Variants in MTG1 observed in about 807,000 individuals in gnomAD.
The protein encoded by MTG1 is mitochondrial ribosome associated GTPase 1, also known as mitochondrial ribosome-associated GTPase 1.
MTG1 carries 30 observed loss-of-function variants against 39.5 expected under a neutral mutation model. That is an observed-to-expected ratio of 0.76 (90% CI 0.57 to 1.03). The LOEUF (loss-of-function observed/expected upper bound fraction) is 1.03. Ranked by LOEUF, MTG1 falls within the 50% of genes least tolerant of loss-of-function variation. The probability of loss-of-function intolerance (pLI) is 0.00; values close to 1 mark genes in which losing one functional copy is unlikely to be tolerated. For synonymous variants in MTG1, 217 were observed against 179.0 expected, an observed-to-expected ratio of 1.21 and a Z score of -1.69; for missense variants, 513 against 447.4, an observed-to-expected ratio of 1.15 and a Z score of -1.32.
chr10:133,421,193 T>A lies in MTG1; in HGVS notation c.*1028T>A, dbSNP rs1266757928. ...CTCTGCTGCCCCATACCCCACACAC[T>A]CATCAGCCTGAAGTTAGCCCCTGAG... is the stretch of plus-strand genomic sequence containing the variant. On this transcript the variant is annotated 3_prime_UTR_variant, in exon 11 of 11. Coordinates refer to ENST00000317502, the MANE Select transcript of MTG1 (RefSeq NM_138384.4). The A allele has an allele frequency of 1.3e-5, 2 of 152,318 alleles. No individual in the cohort carries two copies. Among genetic ancestry groups the A allele is most frequent in the African/African-American group, 4.8e-5 (2 of 41,354 alleles). 9.4% of individuals were successfully genotyped at this position (152,318 alleles called of 1,614,324 possible).
At chr10:133,417,690 C>T (rs1217207479) in intron 9 of MTG1, among the ~76,000 whole-genome samples, 1 of 152,078 alleles carries the variant, frequency 6.6e-6, no homozygotes, top group Non-Finnish European at 1.5e-5. Context: ...TCTCAGGATA[C>T]AAAATCAATG....
intron 9 of MTG1, among the ~76,000 whole-genome samples, chr10:133,415,417 G>A (rs562207757): frequency 6.7e-6 from 1 of 150,092 alleles, no homozygotes; most frequent in Admixed American, 6.6e-5. Context: ...TGTTTTGAAA[G>A]ATATTTTCTC....
chr10:133,394,503 G>C, intron 1 of MTG1, 171 bp downstream of exon 1: 1 of 1,338,618 alleles, frequency 7.5e-7, no homozygotes, highest in Non-Finnish European at 9.5e-7. Context: ...GGAGCCGCCG[G>C]GACCCCTTCC....
At chr10:133,415,604 G>A (rs923014596) in intron 9 of MTG1, among the ~76,000 whole-genome samples, 4 of 152,188 alleles carry the variant, frequency 2.6e-5, no homozygotes, top group Admixed American at 6.5e-5. Flanking sequence ...GTCTGTGGTC[G>A]TGTGTGTTTG....
chr10:133,419,447 G>T (rs1564824273), intron 9 of MTG1, 33 bp from the exon 10 acceptor site: 4 of 1,549,344 alleles, frequency 2.6e-6, no homozygotes, highest in Non-Finnish European at 3.5e-6. Context: ...TCAGTGCTGG[G>T]CCCCCTGGTG....
At position 133,395,773 on chromosome 10, in the gene MTG1, C is replaced by G. The variant is rs1253195913; in HGVS notation, c.173C>G (p.Ala58Gly). 1.2e-6 allele frequency: 2 copies of G among 1,613,800 alleles called. No homozygotes were observed. The highest frequency in any genetic ancestry group is 2.7e-5 in the African/African-American group (2 of 74,912). ...GACTGTATCATCGAGGTCCACGATGCCCGGATATCCTTTCACAGAGCAGGG... is the reference window on the plus strand; with the variant it reads ...GACTGTATCATCGAGGTCCACGATGGCCGGATATCCTTTCACAGAGCAGGG... ...LVDCIIEVHD[A>G]RIPLSGRNPL... The change falls in exon 2 of 11, where the codon GCC becomes GGC. Residue 58 changes from alanine to glycine, a missense_variant. Physicochemically the swap from Ala to Gly is moderately conservative, Grantham distance 60. Transcript: ENST00000317502.
Position 133,402,344 on chromosome 10 carries a change from TTA to T in MTG1, c.670+100_670+101del. The T allele has an allele frequency of 2.1e-6, 3 of 1,408,060 alleles. No homozygotes were observed. The South Asian group carries it at 3.5e-5, about 16-fold the overall frequency. The allele number at this position is 1,408,060 out of a possible 1,614,324, so 87.2% of individuals were successfully genotyped here. A position where few individuals can be genotyped will look rare whatever the true frequency, so the allele number is the denominator to read the frequency against. ...GCACAGGGCCCCTAGACGGGAGTTG[TTA>T]CTGCCTTTGACCTGGTTGCTGCCAG... On this transcript the variant is annotated intron_variant, in intron 8 of 10. Coordinates refer to ENST00000317502, the MANE Select transcript of MTG1 (RefSeq NM_138384.4). The surrounding 1 kb of genome is among the most constrained non-coding windows in gnomAD (Gnocchi z 4.7).
chr10:133,399,791 C>G, intron 6 of MTG1, 172 bp downstream of exon 6: 1 of 578,944 alleles, frequency 1.7e-6, no homozygotes, highest in East Asian at 2.9e-5. Context: ...CACAGGAGGG[C>G]TGAACAGTGG....
intron 6 of MTG1, 158 bp downstream of exon 6, chr10:133,399,777 A>C: frequency 1.6e-6 from 1 of 631,470 alleles, no homozygotes; most frequent in Non-Finnish European, 2.8e-6. Context: ...CGTTCAGTCC[A>C]GTTCACAGGA....
At chr10:133,399,294 G>T (rs1173045725) in intron 5 of MTG1, 68 bp downstream of exon 5, 2 of 1,565,258 alleles carry the variant, frequency 1.3e-6, no homozygotes, top group Admixed American at 1.7e-5. Context: ...CTCCTGCCTG[G>T]CCTCTCCAAG....
Position 133,394,226 on chromosome 10 carries a change from A to C in MTG1, c.6A>C (p.Arg2Ser), listed in dbSNP as rs777231381. Residue 2 changes from arginine (R) to serine (S), a missense_variant, in exon 1 of 11, where the codon AGA (arginine) becomes AGC (serine). Coordinates refer to ENST00000317502, the MANE Select transcript of MTG1 (RefSeq NM_138384.4). Reference sequence around the variant, plus strand: ...TTTCCGGGGACGGTGCCGCCATGAGATTGACCCCGCGCGCGCTGTGCAGCG... The same window carrying C: ...TTTCCGGGGACGGTGCCGCCATGAGCTTGACCCCGCGCGCGCTGTGCAGCG... The part of the protein sequence containing the change: M[R>S]LTPRALCSAA... 14 of 1,516,076 alleles carry C rather than the reference A, an allele frequency of 9.2e-6. No individual in the cohort carries two copies. In the South Asian group the frequency reaches 1.3e-4, roughly 15 times the overall value. 93.9% of individuals were successfully genotyped at this position (1,516,076 alleles called of 1,614,324 possible).
At chr10:133,419,681 G>A in intron 10 of MTG1, 89 bp downstream of exon 10, 4 of 1,113,576 alleles carry the variant, frequency 3.6e-6, no homozygotes, top group Non-Finnish European at 5.3e-6. Flanking sequence ...GGGAGGAGAG[G>A]AACGTGTCAA....
intron 1 of MTG1, 59 bp downstream of exon 1, chr10:133,394,391 T>A: frequency 7.2e-7 from 1 of 1,381,142 alleles, no homozygotes; most frequent in Non-Finnish European, 9.4e-7. Context: ...TCTGCTTCCC[T>A]CCCACCCCGG....
rs1341353168 is a variant in MTG1, at chr10:133,394,181, G to C, written c.-40G>C. On this transcript the variant is annotated 5_prime_UTR_variant, in exon 1 of 11. Coordinates refer to ENST00000317502, the MANE Select transcript of MTG1 (RefSeq NM_138384.4). The stretch of plus-strand genomic sequence containing the variant: ...CAGAGGCGGGTCGCAGCGGCGCAGA[G>C]GAGGTCAGCTGCGGGAGCGTTTCCG... 2.1e-6 allele frequency: 3 copies of C among 1,439,154 alleles called. No homozygotes were observed. The highest frequency in any genetic ancestry group is 2.8e-6 in the Non-Finnish European group (3 of 1,072,310). The allele number at this position is 1,439,154 out of a possible 1,614,324, so 89.1% of individuals were successfully genotyped here. A position where few individuals can be genotyped will look rare whatever the true frequency, so the allele number is the denominator to read the frequency against.
chr10:133,417,910 T>G (rs532672092), intron 9 of MTG1, among the ~76,000 whole-genome samples: 84 of 152,326 alleles, frequency 5.5e-4, no homozygotes, highest in South Asian at 5.0e-3. Context: ...CCATGCTCAT[T>G]GGTAGGAAGA....
chr10:133,395,331 G>C (rs533772247), intron 1 of MTG1, among the ~76,000 whole-genome samples: 2 of 152,304 alleles, frequency 1.3e-5, no homozygotes, highest in African/African-American at 4.8e-5. Flanking sequence ...GCAGGCGGAG[G>C]TTGCAGTGAG....
intron 4 of MTG1, 47 bp from the exon 5 acceptor site, chr10:133,399,123 A>G (rs764652547): frequency 6.2e-7 from 1 of 1,610,930 alleles, no homozygotes; most frequent in Middle Eastern, 1.7e-4. Context: ...GGGTCAGTGC[A>G]CAGACGTCCG....
chr10:133,395,271 T>C (rs188930290), intron 1 of MTG1, among the ~76,000 whole-genome samples: 151 of 152,306 alleles, frequency 9.9e-4, no homozygotes, highest in African/African-American at 3.5e-3. Flanking sequence ...GGCGCGTCCC[T>C]GTAGTCCCAG....
rs1479439230 is a variant in MTG1 at position 133,420,023 on chromosome 10, C to T, written c.866-3C>T. On this transcript the variant is annotated splice_region_variant and splice_polypyrimidine_tract_variant and intron_variant, in intron 10 of 10. Coordinates refer to ENST00000317502, the MANE Select transcript of MTG1 (RefSeq NM_138384.4). ...TTCCTCACTGAACCCTCCCGTCCCC[C>T]AGGTAACGTGAACATTATTCAGCCT... 54 of 1,606,338 alleles carry T rather than the reference C, an allele frequency of 3.4e-5. No individual in the cohort carries two copies. Among genetic ancestry groups the T allele is most frequent in the Admixed American group, 6.7e-5 (4 of 59,482 alleles).
Sources: gnomAD v4.1 joint callset for allele counts (sites outside exome capture counted in the v4.1 genomes callset) on GRCh38, gnomAD v4.1.1 for gene constraint, Gnocchi (gnomAD v3.1) non-coding constraint, MANE v1.5 for transcripts, NCBI Gene and HGNC (gene_info 2026-07-23, HGNC 2026-07-21) for gene names.